Variants in ANKRD12 observed in about 807,000 individuals in gnomAD.
The protein encoded by ANKRD12 is ankyrin repeat domain 12, also known as ankyrin repeat domain-containing protein 12.
ANKRD12 carries 85 observed loss-of-function variants against 183.4 expected under a neutral mutation model. The observed-to-expected ratio is 0.46, with a 90% CI of 0.39 to 0.56. ANKRD12 has a LOEUF of 0.56. Ranked by LOEUF, ANKRD12 falls within the 20% of genes least tolerant of loss-of-function variation. The probability of loss-of-function intolerance (pLI) is 0.00; values close to 1 mark genes in which losing one functional copy is unlikely to be tolerated. For synonymous variants in ANKRD12, 914 were observed against 800.2 expected, an observed-to-expected ratio of 1.14 and a Z score of -2.40; for missense variants, 2,405 against 2,357.1, an observed-to-expected ratio of 1.02 and a Z score of -0.42.
At chr18:9,143,029 G>A (rs2078372159) in intron 1 of ANKRD12, among the ~76,000 whole-genome samples, 1 of 152,174 alleles carries the variant, frequency 6.6e-6, no homozygotes, top group Non-Finnish European at 1.5e-5. Context: ...GTGTTCTATA[G>A]TAGTCTTGGA....
chr18:9,277,006 CAGAG>C (rs941537740), intron 11 of ANKRD12, among the ~76,000 whole-genome samples: 10 of 152,208 alleles, frequency 6.6e-5, no homozygotes, highest in African/African-American at 1.9e-4. Flanking sequence ...TTTGAGCAAT[CAGAG>C]AGAAATGAGT....
chr18:9,137,343 T>A (rs2078143264), intron 1 of ANKRD12, among the ~76,000 whole-genome samples: 1 of 146,312 alleles, frequency 6.8e-6, no homozygotes, highest in African/African-American at 2.5e-5. Flanking sequence ...GCTGGCCTCG[T>A]CGCGGGCGCC....
intron 1 of ANKRD12, among the ~76,000 whole-genome samples, 167 bp from the exon 2 acceptor site, chr18:9,182,215 A>G (rs886972176): frequency 1.3e-5 from 2 of 152,242 alleles, no homozygotes; most frequent in African/African-American, 4.8e-5. Context: ...CTTTTCTTTT[A>G]GAGAACCAGA....
rs555433796 is a variant in ANKRD12, at chr18:9,267,696, A to G, written c.5763+3808A>G. Among the ~76,000 whole-genome samples, 68 of 152,278 alleles carry G rather than the reference A, an allele frequency of 4.5e-4. No homozygotes were observed. The Middle Eastern group carries it at 0.014, about 31-fold the overall frequency. ...AAAGATCTAAAATTGACACCCTAACATCACAATTAAAAGAACTAGAGAAGC... is the reference window on the plus strand; with the variant it reads ...AAAGATCTAAAATTGACACCCTAACGTCACAATTAAAAGAACTAGAGAAGC... On this transcript the variant is annotated intron_variant, in intron 10 of 12. Coordinates refer to ENST00000262126, the MANE Select transcript of ANKRD12 (RefSeq NM_015208.5).
In ANKRD12 at chr18:9,211,615, G is replaced by C. The variant is rs371533373; in HGVS notation, c.483G>C (p.Thr161=). 4.3e-6 allele frequency: 7 copies of C among 1,613,568 alleles called. No homozygotes were observed. The highest frequency in any genetic ancestry group is 5.9e-6 in the Non-Finnish European group (7 of 1,179,836). Residue 161 remains threonine, a synonymous_variant, in exon 6 of 13, where the codon ACG becomes ACC. Transcript: ENST00000262126. Reference sequence around the variant, plus strand: ...CACCAAATCATCCATCACAAACAACGCCTGCCCAAAAGAAAACTCCCAGTT... The same window carrying C: ...CACCAAATCATCCATCACAAACAACCCCTGCCCAAAAGAAAACTCCCAGTT... ...DSTPNHPSQT[T]PAQKKTPSSS... is the part of the protein sequence containing the mutation.
In ANKRD12 at chr18:9,256,003, C is replaced by CA. The variant is rs1454801947; in HGVS notation, c.2739dup (p.Glu914ArgfsTer4). ...GAGAAAAGATGGATAGGAAACATGA[C>CA]AAAGAAAAGCCTGAAAAAGAGAGGC... On this transcript the variant is annotated frameshift_variant, in exon 9 of 13. Coordinates refer to ENST00000262126, the MANE Select transcript of ANKRD12 (RefSeq NM_015208.5). LOFTEE classifies it high-confidence loss of function. 1 of 1,553,682 alleles carries CA rather than the reference C, an allele frequency of 6.4e-7. No individual in the cohort carries two copies.
In ANKRD12 at chr18:9,255,587, A is replaced by C. The variant is rs1487593395; in HGVS notation, c.2320A>C (p.Arg774=). Residue 774 remains arginine (R), a synonymous_variant, in exon 9 of 13, where the codon AGA becomes CGA. Transcript: ENST00000262126. ...EEKIKDLKEE[R]ENIPTDKDSE... is the part of the protein sequence containing the mutation. The stretch of plus-strand genomic sequence containing the variant: ...AAAAATAAAAGATCTAAAAGAAGAG[A>C]GAGAAAACATACCCACAGATAAAGA... The C allele has an allele frequency of 6.4e-7, 1 of 1,568,916 alleles. No homozygotes were observed. Among genetic ancestry groups the C allele is most frequent in the Non-Finnish European group, 8.6e-7 (1 of 1,168,152 alleles).
chr18:9,281,575 A>C lies in ANKRD12; in HGVS notation c.*449A>C, dbSNP rs1013010086. The C allele has an allele frequency of 6.5e-6, 1 of 152,842 alleles. No homozygotes were observed. Among genetic ancestry groups the C allele is most frequent in the Non-Finnish European group, 1.5e-5 (1 of 68,174 alleles). 9.5% of individuals were successfully genotyped at this position (152,842 alleles called of 1,614,324 possible). A position where few individuals can be genotyped will look rare whatever the true frequency, so the allele number is the denominator to read the frequency against. ...GAAAAACTTGGCACAAAATTTCTTC[A>C]GTTTATTATCTGTAAATTGTACAGT... is the stretch of plus-strand genomic sequence containing the variant. On this transcript the variant is annotated 3_prime_UTR_variant, in exon 13 of 13. Transcript: ENST00000262126.
Position 9,255,110 on chromosome 18 carries a change from G to C in ANKRD12, c.1843G>C (p.Glu615Gln). 6.3e-7 allele frequency: 1 copy of C among 1,579,516 alleles called. No individual in the cohort carries two copies. Among genetic ancestry groups the C allele is most frequent in the Non-Finnish European group, 8.6e-7 (1 of 1,169,402 alleles). The change falls in exon 9 of 13, where the codon GAA (glutamate) becomes CAA (glutamine). Residue 615 changes from glutamate to glutamine, a missense_variant. This residue lies in a region of ANKRD12 where 1,983 missense variants were observed against 1,725.9 expected (regional missense o/e 1.15). Transcript: ENST00000262126. ...CAAACATCAGAAAGATTTCCACTTA[G>C]AATTTGGTGAAAAATCAAATGCCAA... ...KSKHQKDFHL[E>Q]FGEKSNAKIK... is the part of the protein sequence containing the mutation.
intron 8 of ANKRD12, among the ~76,000 whole-genome samples, chr18:9,233,007 G>A (rs2037143157): frequency 1.3e-5 from 2 of 151,914 alleles, no homozygotes; most frequent in Non-Finnish European, 1.5e-5. Context: ...GCACCACCAC[G>A]CCTGGATAAT....
chr18:9,264,403 G>A (rs1272262114), intron 10 of ANKRD12, among the ~76,000 whole-genome samples: 1 of 152,146 alleles, frequency 6.6e-6, no homozygotes, highest in East Asian at 1.9e-4. Flanking sequence ...TTAACCTTTG[G>A]GGAGGGTTGA....
At chr18:9,171,387 A>G (rs753008784) in intron 1 of ANKRD12, among the ~76,000 whole-genome samples, 1 of 152,150 alleles carries the variant, frequency 6.6e-6, no homozygotes, top group Non-Finnish European at 1.5e-5. Context: ...ACATTTTGCC[A>G]TTCTGTGTCT....
At chr18:9,225,660 T>C (rs2036662560) in intron 8 of ANKRD12, among the ~76,000 whole-genome samples, 1 of 152,182 alleles carries the variant, frequency 6.6e-6, no homozygotes, top group African/African-American at 2.4e-5. Context: ...CCATCTTAAA[T>C]TCTCTGTCCA....
intron 1 of ANKRD12, among the ~76,000 whole-genome samples, chr18:9,169,733 G>A (rs559349278): frequency 4.6e-5 from 7 of 152,114 alleles, no homozygotes; most frequent in African/African-American, 1.2e-4. Flanking sequence ...ATATTGTTAC[G>A]TATGAATTTG....
At chr18:9,253,485 C>T (rs1301870730) in intron 8 of ANKRD12, among the ~76,000 whole-genome samples, 1 of 152,158 alleles carries the variant, frequency 6.6e-6, no homozygotes, top group African/African-American at 2.4e-5. Flanking sequence ...TCCTCCAGTT[C>T]CATCCATGTT....
intron 1 of ANKRD12, among the ~76,000 whole-genome samples, chr18:9,143,075 T>G (rs1165277312): frequency 6.6e-6 from 1 of 152,238 alleles, no homozygotes; most frequent in Non-Finnish European, 1.5e-5. Flanking sequence ...CTACCAGAGT[T>G]TAATTCTCAC....
At chr18:9,137,158 G>C (rs1288364502) in intron 1 of ANKRD12, 193 bp downstream of exon 1, 1 of 151,108 alleles carries the variant, frequency 6.6e-6, no homozygotes, top group African/African-American at 2.4e-5. Flanking sequence ...AGCCTGGCCC[G>C]AGCCGTAGCT....
In ANKRD12 at chr18:9,138,431, T is replaced by G. The variant is rs1359558634; in HGVS notation, c.-52+1466T>G. 3.3e-5 allele frequency among the ~76,000 whole-genome samples: 5 copies of G among 152,214 alleles called. No homozygotes were observed. In the East Asian group the frequency reaches 9.6e-4, roughly 29 times the overall value. On this transcript the variant is annotated intron_variant, in intron 1 of 12. Transcript: ENST00000262126. ...GGGAAGCCGAGGCAGGGGAATCGCT[T>G]GAACCCGGGCGGCAGAGGTTGCAGT...
chr18:9,170,600 T>G (rs188830418), intron 1 of ANKRD12, among the ~76,000 whole-genome samples: 2 of 152,332 alleles, frequency 1.3e-5, no homozygotes, highest in East Asian at 3.9e-4. Flanking sequence ...ATTCTAGTTA[T>G]CCATTCGTCA....
Sources: allele counts gnomAD v4.1 joint callset (sites outside exome capture counted in the v4.1 genomes callset), GRCh38; gene constraint gnomAD v4.1.1; regional missense constraint gnomAD v4.1.1; transcripts MANE v1.5; gene names NCBI Gene and HGNC (gene_info 2026-07-23, HGNC 2026-07-21).